Variants in CACNA1C observed in about 807,000 individuals in gnomAD.
CACNA1C encodes the protein calcium voltage-gated channel subunit alpha1 C.
In CACNA1C, 30 loss-of-function variants were observed where a neutral mutation model predicts 229.0. The observed-to-expected ratio is 0.13, with a 90% CI of 0.10 to 0.18. CACNA1C has a LOEUF of 0.18. CACNA1C is among the 10% of genes least tolerant of loss of function. The pLI, the probability that CACNA1C is intolerant of heterozygous loss-of-function variation, is 1.00. For synonymous variants in CACNA1C, 1,114 were observed against 1,132.5 expected, an observed-to-expected ratio of 0.98 and a Z score of 0.33; for missense variants, 1,658 against 2,845.0, an observed-to-expected ratio of 0.58 and a Z score of 9.49.
intron 1 of CACNA1C, among the ~76,000 whole-genome samples, chr12:2,076,515 C>G (rs573969916): frequency 9.2e-5 from 14 of 152,154 alleles, no homozygotes; most frequent in Admixed American, 8.5e-4. Flanking sequence ...TACCTCCCCC[C>G]TCCCTTCCTC....
chr12:2,025,848 C>T (rs894074489), intron 1 of CACNA1C, among the ~76,000 whole-genome samples: 1 of 152,174 alleles, frequency 6.6e-6, no homozygotes, highest in Non-Finnish European at 1.5e-5. Context: ...TTTATTCATG[C>T]ATTTATCAGT....
At position 2,527,518 on chromosome 12, in the gene CACNA1C, G is replaced by A. The variant is rs539035150; in HGVS notation, c.1390+14534G>A. On this transcript the variant is annotated intron_variant, in intron 9 of 46. Transcript: ENST00000399655. ...CCATGACTCATGAGATATGATAATG[G>A]TGTCCACTGTCAGTTATTATGTTAA... is the stretch of plus-strand genomic sequence containing the variant. Among the ~76,000 whole-genome samples, 3 of 152,268 alleles carry A rather than the reference G, an allele frequency of 2.0e-5. No individual in the cohort carries two copies. In the South Asian group the frequency reaches 6.2e-4, roughly 32 times the overall value.
At chr12:2,159,315 C>T (rs184413177) in intron 3 of CACNA1C, among the ~76,000 whole-genome samples, 123 of 151,942 alleles carry the variant, frequency 8.1e-4, no homozygotes, top group South Asian at 1.5e-3. Flanking sequence ...GACAACATGG[C>T]GAGACCCCGT....
intron 3 of CACNA1C, among the ~76,000 whole-genome samples, chr12:2,151,239 T>C (rs1232532833): frequency 1.3e-5 from 2 of 151,828 alleles, no homozygotes; most frequent in African/African-American, 4.9e-5. Context: ...CTTTACAGAA[T>C]GAGGAAACTG....
intron 3 of CACNA1C, among the ~76,000 whole-genome samples, chr12:2,408,442 A>G (rs1411586781): frequency 6.6e-6 from 1 of 151,542 alleles, no homozygotes; most frequent in African/African-American, 2.4e-5. Context: ...GGGTCTTGCT[A>G]GACTTCCCCT....
chr12:2,243,126 A>G (rs1321730664), intron 3 of CACNA1C, among the ~76,000 whole-genome samples: 1 of 152,172 alleles, frequency 6.6e-6, no homozygotes, highest in African/African-American at 2.4e-5. Flanking sequence ...GCTTACTTAT[A>G]TGGGTTATTA....
At chr12:2,489,338 A>C (rs1185803968) in intron 6 of CACNA1C, among the ~76,000 whole-genome samples, 1 of 152,206 alleles carries the variant, frequency 6.6e-6, no homozygotes, top group African/African-American at 2.4e-5. Flanking sequence ...ATCCATAAAG[A>C]AAGTTATGGA....
At chr12:2,437,989 ATGG>A (rs955790808) in intron 3 of CACNA1C, among the ~76,000 whole-genome samples, 13 of 130,568 alleles carry the variant, frequency 1.0e-4, no homozygotes, top group African/African-American at 2.1e-4. Context: ...GATGGTGATG[ATGG>A]TGGTGGTGGT....
intron 37 of CACNA1C, among the ~76,000 whole-genome samples, chr12:2,667,029 G>A (rs138806977): frequency 4.6e-5 from 7 of 152,268 alleles, no homozygotes; most frequent in African/African-American, 9.6e-5. Flanking sequence ...TGCACCATCC[G>A]GGCATCCTGG....
rs77325431 is a variant in CACNA1C at position 2,377,616 on chromosome 12, C to T, written c.478-71360C>T. 8.7e-4 allele frequency among the ~76,000 whole-genome samples: 132 copies of T among 152,302 alleles called. No individual in the cohort carries two copies. In the East Asian group the frequency reaches 0.025, roughly 28 times the overall value. On this transcript the variant is annotated intron_variant, in intron 3 of 46. Transcript: ENST00000399655. ...CACCCCATACCTCCTTCACCACAGC[C>T]ACAGGTACTGAGCATTGAGCACACG...
intron 39 of CACNA1C, chr12:2,676,244 C>T (rs748375866): frequency 3.3e-5 from 5 of 152,214 alleles, no homozygotes; most frequent in Middle Eastern, 6.8e-3. Flanking sequence ...TTCCCTCCCA[C>T]GTGGAAAGGG....
At chr12:1,991,677 C>T (rs756388177) in intron 1 of CACNA1C, 15 of 166,864 alleles carry the variant, frequency 9.0e-5, no homozygotes, top group Admixed American at 1.8e-4. Flanking sequence ...GGACAGCACA[C>T]GCTTAGAACC....
intron 3 of CACNA1C, among the ~76,000 whole-genome samples, chr12:2,163,285 G>C (rs2096005568): frequency 6.6e-6 from 1 of 151,626 alleles, no homozygotes; most frequent in Non-Finnish European, 1.5e-5. Flanking sequence ...CATCATTTGA[G>C]CCTCACAACA....
At chr12:2,041,817 C>CCAA (rs1335040194) in intron 1 of CACNA1C, among the ~76,000 whole-genome samples, 1 of 152,228 alleles carries the variant, frequency 6.6e-6, no homozygotes, top group African/African-American at 2.4e-5. Flanking sequence ...GCAGCCTGAA[C>CCAA]CAACGTTCAG....
At chr12:2,092,268 A>G (rs2071502562) in intron 1 of CACNA1C, among the ~76,000 whole-genome samples, 1 of 152,214 alleles carries the variant, frequency 6.6e-6, no homozygotes, top group Non-Finnish European at 1.5e-5. Flanking sequence ...GAAATACTGC[A>G]CACCCTGTAA....
At chr12:2,600,654 G>T (rs1226020533) in intron 21 of CACNA1C, among the ~76,000 whole-genome samples, 6 of 152,232 alleles carry the variant, frequency 3.9e-5, no homozygotes, top group African/African-American at 1.4e-4. Flanking sequence ...CCTGCAGTGC[G>T]CAGCTTTACA....
intron 1 of CACNA1C, among the ~76,000 whole-genome samples, chr12:2,023,457 GT>G (rs1293625168): frequency 1.3e-5 from 2 of 152,150 alleles, no homozygotes; most frequent in Admixed American, 6.5e-5. Flanking sequence ...GTACATTTTA[GT>G]AGTTGACAGG....
intron 18 of CACNA1C, among the ~76,000 whole-genome samples, chr12:2,588,844 G>A (rs940956479): frequency 1.3e-5 from 2 of 152,126 alleles, no homozygotes; most frequent in East Asian, 1.9e-4. Flanking sequence ...GAGCCACTAA[G>A]GACTTAAAGT....
chr12:2,355,197 A>G (rs1021242349), intron 3 of CACNA1C, among the ~76,000 whole-genome samples: 9 of 152,212 alleles, frequency 5.9e-5, no homozygotes, highest in South Asian at 2.1e-4. Context: ...GCTTTCACTT[A>G]AGACCAAGAG....
Sources: gnomAD v4.1 joint callset for allele counts (sites outside exome capture counted in the v4.1 genomes callset) on GRCh38, gnomAD v4.1.1 for gene constraint, MANE v1.5 for transcripts, NCBI Gene and HGNC (gene_info 2026-07-23, HGNC 2026-07-21) for gene names.